ANKRD18A: variants seen among roughly 807,000 people sequenced by gnomAD.
ANKRD18A encodes the protein ankyrin repeat domain-containing protein 18A.
In ANKRD18A, 72 loss-of-function variants were observed where a neutral mutation model predicts 110.6. The ratio of observed to expected loss-of-function variants is 0.65; its 90% confidence interval spans 0.54 to 0.79. The LOEUF (loss-of-function observed/expected upper bound fraction) is 0.79. ANKRD18A is among the 30% of genes least tolerant of loss of function. ANKRD18A has a pLI of 0.00. For synonymous variants in ANKRD18A, 305 were observed against 410.3 expected (o/e 0.74, Z 3.10); for missense variants, 934 against 1,163.3 (o/e 0.80, Z 2.87).
Position 38,595,805 on chromosome 9 carries a change from C to G in ANKRD18A, c.1535G>C (p.Arg512Thr). ...LALGSVQLDLRQAQHRIKEMK... is the reference protein window; with the variant it reads ...LALGSVQLDLTQAQHRIKEMK... ...TTCCTTTATTCGATGCTGTGCTTGC[C>G]TTAGGTCCAGCTGTACACTTCCTAA... is the stretch of plus-strand genomic sequence containing the variant. Residue 512 changes from arginine (R) to threonine (T), a missense_variant, in exon 9 of 16, where the codon AGG (arginine) becomes ACG (threonine). Arg to Thr is a moderately conservative substitution (Grantham distance 71, BLOSUM62 -1). This residue lies in a region of ANKRD18A where 630 missense variants were observed against 797.5 expected (regional missense o/e 0.79). Transcript: ENST00000399703. 1 of 1,551,138 alleles carries G rather than the reference C, an allele frequency of 6.4e-7. No homozygotes were observed. The highest frequency in any genetic ancestry group is 8.7e-7 in the Non-Finnish European group (1 of 1,146,602).
rs539382176 is a variant in ANKRD18A, at chr9:38,596,388, C to T, written c.952G>A (p.Gly318Arg). ...NKQPQDSQSY[G>R]KKKDAMYGNF... ...CCATACATCGCATCCTTCTTTTTTCCGTAACTTTGAGAATCCTAAATAAAA... is the reference window on the plus strand; with the variant it reads ...CCATACATCGCATCCTTCTTTTTTCTGTAACTTTGAGAATCCTAAATAAAA... Residue 318 changes from glycine (G) to arginine (R), a missense_variant, in exon 9 of 16, where the codon GGA becomes AGA. Transcript: ENST00000399703. 100 of 1,443,422 alleles carry T rather than the reference C, an allele frequency of 6.9e-5. No individual in the cohort carries two copies. In the East Asian group the frequency reaches 1.4e-3, roughly 21 times the overall value. The allele number at this position is 1,443,422 out of a possible 1,614,324, so 89.4% of individuals were successfully genotyped here.
intron 5 of ANKRD18A, among the ~76,000 whole-genome samples, chr9:38,609,785 G>A (rs1424273892): frequency 6.6e-6 from 1 of 152,008 alleles, no homozygotes; most frequent in Non-Finnish European, 1.5e-5. Context: ...GGTAGCCCTA[G>A]GGGATAATAC....
chr9:38,570,455 C>A (rs190411829), downstream of ANKRD18A, among the ~76,000 whole-genome samples: 260 of 152,158 alleles, frequency 1.7e-3, 2 homozygotes, highest in African/African-American at 6.1e-3. Flanking sequence ...TATGTTCCAA[C>A]CGATCAGGCC....
downstream of ANKRD18A, chr9:38,566,889 C>T (rs1823496774): frequency 1.3e-5 from 2 of 152,150 alleles, no homozygotes; most frequent in Non-Finnish European, 2.9e-5. Flanking sequence ...TGGTGCTGAA[C>T]CATTCATGAG....
chr9:38,618,393 C>A (rs995305560), intron 1 of ANKRD18A, among the ~76,000 whole-genome samples: 1 of 152,148 alleles, frequency 6.6e-6, no homozygotes, highest in Non-Finnish European at 1.5e-5. Flanking sequence ...CTGGCTGTAA[C>A]AAAATGCATC....
rs569225155 is a variant in ANKRD18A at position 38,583,648 on chromosome 9, A to C, written c.2247+2535T>G. 1.4e-3 allele frequency among the ~76,000 whole-genome samples: 220 copies of C among 152,294 alleles called. 1 individual carries two copies. Among genetic ancestry groups the C allele is most frequent in the African/African-American group, 4.9e-3 (203 of 41,574 alleles). ...CGTGATCCACCCGCCTTGGCCTCCC[A>C]AAGTGCTGGGATTACAGGTGTGAGC... On this transcript the variant is annotated intron_variant, in intron 12 of 15. Coordinates refer to ENST00000399703, the MANE Select transcript of ANKRD18A (RefSeq NM_147195.4).
chr9:38,606,511 G>C (rs973984875), intron 6 of ANKRD18A, among the ~76,000 whole-genome samples: 9 of 152,004 alleles, frequency 5.9e-5, no homozygotes, highest in Non-Finnish European at 1.0e-4. Flanking sequence ...CATTTCTCTA[G>C]CTTCCTTTAT....
chr9:38,572,005 C>G lies in ANKRD18A; in HGVS notation c.*40G>C, dbSNP rs184227277. Reference sequence around the variant, plus strand: ...TAATCTCTTCATTAGATGTGGCTTACCAGTGGATTCTACAAAAGAAAGTAG... The same window carrying G: ...TAATCTCTTCATTAGATGTGGCTTAGCAGTGGATTCTACAAAAGAAAGTAG... On this transcript the variant is annotated 3_prime_UTR_variant, in exon 16 of 16. Transcript: ENST00000399703. 15 of 1,582,776 alleles carry G rather than the reference C, an allele frequency of 9.5e-6. No homozygotes were observed. In the Admixed American group the frequency reaches 2.9e-4, roughly 31 times the overall value.
chr9:38,610,443 A>G lies in ANKRD18A; in HGVS notation c.603-33T>C, dbSNP rs752174455. 52 of 1,521,218 alleles carry G rather than the reference A, an allele frequency of 3.4e-5. No individual in the cohort carries two copies. In the Middle Eastern group the frequency reaches 8.6e-4, roughly 25 times the overall value. The allele number at this position is 1,521,218 out of a possible 1,614,324, so 94.2% of individuals were successfully genotyped here. ...AATAAAGAAATAACAGCACTCAAGA[A>G]CTTTGATGAAGATATTTAATTAGCA... is the stretch of plus-strand genomic sequence containing the variant. On this transcript the variant is annotated intron_variant, in intron 4 of 15. Coordinates refer to ENST00000399703, the MANE Select transcript of ANKRD18A (RefSeq NM_147195.4).
chr9:38,572,175 T>C (rs1563951475), intron 15 of ANKRD18A, 116 bp from the exon 16 acceptor site: 1 of 664,880 alleles, frequency 1.5e-6, no homozygotes. Flanking sequence ...GAGAAATATG[T>C]ACGTGCAATT....
intron 6 of ANKRD18A, among the ~76,000 whole-genome samples, chr9:38,606,001 T>C (rs1825337747): frequency 6.6e-6 from 1 of 152,236 alleles, no homozygotes; most frequent in Non-Finnish European, 1.5e-5. Context: ...AAGAAGTGAA[T>C]ATATCTCATG....
intron 15 of ANKRD18A, among the ~76,000 whole-genome samples, chr9:38,573,942 T>C (rs1050083423): frequency 6.6e-6 from 1 of 152,144 alleles, no homozygotes; most frequent in African/African-American, 2.4e-5. Context: ...GCGGTACCTG[T>C]GTAAGTTTCT....
At position 38,620,554 on chromosome 9, in the gene ANKRD18A, GGC is replaced by G. The variant is rs1158145410; in HGVS notation, c.-271_-270del. 8.0e-7 allele frequency: 1 copy of G among 1,248,106 alleles called. No homozygotes were observed. Among genetic ancestry groups the G allele is most frequent in the Admixed American group, 3.6e-5 (1 of 27,608 alleles). The allele number at this position is 1,248,106 out of a possible 1,614,324, so 77.3% of individuals were successfully genotyped here. On this transcript the variant is annotated 5_prime_UTR_variant, in exon 1 of 16. Transcript: ENST00000399703. The stretch of plus-strand genomic sequence containing the variant: ...CCGAGTGAGCCCAGCTAAGCCGTTA[GGC>G]GCGCGCCTGAACCTCAGCGCTCCGA...
At chr9:38,617,997 T>C (rs1015778789) in intron 1 of ANKRD18A, among the ~76,000 whole-genome samples, 5 of 152,098 alleles carry the variant, frequency 3.3e-5, no homozygotes, top group African/African-American at 1.2e-4. Context: ...ATGTAATGAA[T>C]CTATACATAA....
chr9:38,616,653 A>T (rs1587550034), intron 1 of ANKRD18A, among the ~76,000 whole-genome samples: 1 of 152,168 alleles, frequency 6.6e-6, no homozygotes, highest in East Asian at 1.9e-4. Context: ...TAGGAATGTC[A>T]CCTTGTTGCC....
intron 8 of ANKRD18A, among the ~76,000 whole-genome samples, chr9:38,598,134 T>C (rs1824968227): frequency 6.6e-6 from 1 of 152,302 alleles, no homozygotes; most frequent in South Asian, 2.1e-4. Flanking sequence ...TTCTCAGTCA[T>C]TGCTTTCCTC....
At chr9:38,588,754 A>G (rs1824502200) in intron 10 of ANKRD18A, 91 bp from the exon 11 acceptor site, 2 of 928,776 alleles carry the variant, frequency 2.2e-6, no homozygotes, top group East Asian at 3.5e-5. Context: ...GATGAATAAT[A>G]TGTATTTAGG....
intron 11 of ANKRD18A, among the ~76,000 whole-genome samples, chr9:38,586,544 A>G (rs1384826785): frequency 6.6e-6 from 1 of 151,778 alleles, no homozygotes; most frequent in Non-Finnish European, 1.5e-5. Context: ...TAATAGCCAT[A>G]CAGTTTTTGG....
rs372128990 is a variant in ANKRD18A, at chr9:38,596,069, G to A, written c.1271C>T (p.Ser424Phe). Residue 424 changes from serine (S) to phenylalanine (F), a missense_variant, in exon 9 of 16, where the codon TCT becomes TTT. This residue lies in a region of ANKRD18A where 630 missense variants were observed against 797.5 expected (regional missense o/e 0.79). Transcript: ENST00000399703. ...RLEAEVESLH[S>F]SLATAINEYN... ...CTCATTTATAGCAGTGGCCAGGCTA[G>A]AATGGAGGGATTCAACTTCAGCTTC... is the stretch of plus-strand genomic sequence containing the variant. 2 of 1,551,268 alleles carry A rather than the reference G, an allele frequency of 1.3e-6. No individual in the cohort carries two copies. Among genetic ancestry groups the A allele is most frequent in the African/African-American group, 1.4e-5 (1 of 73,022 alleles).
Sources: gnomAD v4.1 joint callset for allele counts (sites outside exome capture counted in the v4.1 genomes callset) on GRCh38, gnomAD v4.1.1 for gene constraint, gnomAD v4.1.1 regional missense constraint, MANE v1.5 for transcripts, NCBI Gene and HGNC (gene_info 2026-07-23, HGNC 2026-07-21) for gene names.